The following MAGI1 variants were observed in gnomAD, a reference collection of about 807,000 sequenced individuals.
MAGI1 encodes the protein membrane-associated guanylate kinase, WW and PDZ domain-containing protein 1.
Under a neutral mutation model 139.9 loss-of-function variants are expected in MAGI1, and 58 were observed. The ratio of observed to expected loss-of-function variants is 0.41; its 90% CI spans 0.34 to 0.52. The LOEUF (loss-of-function observed/expected upper bound fraction) is 0.52. MAGI1 is among the 20% of genes least tolerant of loss of function. The pLI is 0.12. For missense variants in MAGI1, 1,874 were observed against 1,901.6 expected, an observed-to-expected ratio of 0.99 and a Z score of 0.27; for synonymous variants, 812 against 737.9, an observed-to-expected ratio of 1.10 and a Z score of -1.63.
intron 1 of MAGI1, among the ~76,000 whole-genome samples, chr3:65,797,487 T>TCGAGC (rs1305923444): frequency 6.6e-6 from 1 of 152,090 alleles, no homozygotes; most frequent in African/African-American, 2.4e-5. Flanking sequence ...CTTTGAGCAG[T>TCGAGC]CGAGCCATGC....
At chr3:65,920,999 A>C (rs1225120340) in intron 1 of MAGI1, among the ~76,000 whole-genome samples, 1 of 152,014 alleles carries the variant, frequency 6.6e-6, no homozygotes, top group Non-Finnish European at 1.5e-5. Flanking sequence ...ACTGCACTCC[A>C]GCCTGGGTGA....
chr3:65,904,363 C>T (rs2061355100), intron 1 of MAGI1, among the ~76,000 whole-genome samples: 2 of 152,186 alleles, frequency 1.3e-5, no homozygotes, highest in Admixed American at 1.3e-4. Flanking sequence ...TTCAAAGAGA[C>T]ATCCACCCTC....
chr3:65,718,603 A>C (rs1023283683), intron 1 of MAGI1: 3 of 152,220 alleles, frequency 2.0e-5, no homozygotes, highest in Admixed American at 1.3e-4. Flanking sequence ...TGGTATAAAC[A>C]GCCGAAGTAG....
chr3:66,025,502 C>G (rs1035684855), intron 1 of MAGI1, among the ~76,000 whole-genome samples: 2 of 152,148 alleles, frequency 1.3e-5, no homozygotes, highest in African/African-American at 4.8e-5. Flanking sequence ...CCACTACACT[C>G]CAGCCTAGGC....
chr3:65,543,763 G>GT (rs1036774737), intron 2 of MAGI1, among the ~76,000 whole-genome samples: 16 of 151,814 alleles, frequency 1.1e-4, no homozygotes, highest in South Asian at 2.1e-4. Flanking sequence ...GATGGGGGGG[G>GT]GTACAAGAGG....
At chr3:65,586,836 G>C (rs1365950060) in intron 2 of MAGI1, among the ~76,000 whole-genome samples, 2 of 151,564 alleles carry the variant, frequency 1.3e-5, no homozygotes, top group Admixed American at 1.3e-4. Context: ...TCTTCATTCT[G>C]CATTCTGGAA....
At chr3:65,461,207 T>TTTTA (rs747091162) in intron 5 of MAGI1, among the ~76,000 whole-genome samples, 10 of 151,944 alleles carry the variant, frequency 6.6e-5, no homozygotes, top group Admixed American at 2.0e-4. Context: ...TTTCTTGACT[T>TTTTA]TTTATTTATT....
intron 1 of MAGI1, among the ~76,000 whole-genome samples, chr3:65,724,569 G>A (rs866784166): frequency 7.9e-5 from 12 of 152,226 alleles, no homozygotes; most frequent in East Asian, 5.8e-4. Context: ...GATAATGCCC[G>A]ACACATACTA....
intron 1 of MAGI1, among the ~76,000 whole-genome samples, chr3:65,647,996 AGG>A (rs2085357182): frequency 6.6e-6 from 1 of 152,192 alleles, no homozygotes; most frequent in South Asian, 2.1e-4. Flanking sequence ...ATCAGAAAGG[AGG>A]AAATTAAACT....
At chr3:65,583,720 G>C (rs1047576975) in intron 2 of MAGI1, among the ~76,000 whole-genome samples, 1 of 152,046 alleles carries the variant, frequency 6.6e-6, no homozygotes, top group Non-Finnish European at 1.5e-5. Context: ...TACAAAATGA[G>C]GCTGAAGAAG....
At chr3:65,906,579 C>G (rs771888053) in intron 1 of MAGI1, among the ~76,000 whole-genome samples, 1 of 152,072 alleles carries the variant, frequency 6.6e-6, no homozygotes, top group Admixed American at 6.6e-5. Context: ...TTTCAATAAT[C>G]AAAATCAAAA....
intron 1 of MAGI1, among the ~76,000 whole-genome samples, chr3:65,774,723 A>T (rs1204723132): frequency 6.6e-6 from 1 of 152,200 alleles, no homozygotes; most frequent in African/African-American, 2.4e-5. Flanking sequence ...GAACATATAG[A>T]TCACAAGTGA....
chr3:65,927,644 TTCAA>T (rs1560022473), intron 1 of MAGI1, among the ~76,000 whole-genome samples: 2 of 152,152 alleles, frequency 1.3e-5, no homozygotes, highest in African/African-American at 2.4e-5. Context: ...TGCTTTTAGG[TTCAA>T]TCAATCATTG....
At chr3:65,949,280 A>AC (rs1222752823) in intron 1 of MAGI1, among the ~76,000 whole-genome samples, 1 of 152,224 alleles carries the variant, frequency 6.6e-6, no homozygotes, top group Non-Finnish European at 1.5e-5. Flanking sequence ...ACACAGAGTA[A>AC]CCACCCACTA....
Position 65,552,294 on chromosome 3 carries a change from A to G in MAGI1, c.431-58663T>C, listed in dbSNP as rs76274440. 8.4e-4 allele frequency among the ~76,000 whole-genome samples: 124 copies of G among 147,612 alleles called. 3 individuals are homozygous for G. The highest frequency in any genetic ancestry group is 2.9e-3 in the African/African-American group (112 of 38,194). ...TGTGTGTGTGTGTGTGTGTGTCCCC[A>G]TTCCAATTTCCCAACATGAACATCT... On this transcript the variant is annotated intron_variant, in intron 2 of 22. Transcript: ENST00000402939.
intron 1 of MAGI1, among the ~76,000 whole-genome samples, chr3:65,788,502 C>A (rs1559883829): frequency 6.6e-6 from 1 of 152,216 alleles, no homozygotes; most frequent in South Asian, 2.1e-4. Context: ...TAGGGAACTG[C>A]TCTTGCAGTT....
At chr3:65,947,636 A>T (rs1560043117) in intron 1 of MAGI1, among the ~76,000 whole-genome samples, 1 of 152,144 alleles carries the variant, frequency 6.6e-6, no homozygotes, top group Non-Finnish European at 1.5e-5. Context: ...TGTTTTTCTG[A>T]GACGGGGTCT....
intron 1 of MAGI1, among the ~76,000 whole-genome samples, chr3:65,653,801 T>C (rs573733395): frequency 6.6e-6 from 1 of 152,308 alleles, no homozygotes; most frequent in East Asian, 1.9e-4. Context: ...TCACTCTCTC[T>C]TTCTTTTTAT....
At chr3:65,409,677 G>A (rs746913018) in intron 12 of MAGI1, among the ~76,000 whole-genome samples, 3 of 151,006 alleles carry the variant, frequency 2.0e-5, no homozygotes, top group Non-Finnish European at 2.9e-5. Context: ...TCATAACCCC[G>A]TAGCATAATT....
Sources: allele counts gnomAD v4.1 joint callset (sites outside exome capture counted in the v4.1 genomes callset), GRCh38; gene constraint gnomAD v4.1.1; transcripts MANE v1.5; gene names NCBI Gene and HGNC (gene_info 2026-07-23, HGNC 2026-07-21).